Variants in DIAPH3 observed in about 807,000 individuals in gnomAD.
The protein encoded by DIAPH3 is diaphanous related formin 3.
Under a neutral mutation model 144.3 loss-of-function variants are expected in DIAPH3, and 117 were observed. The observed-to-expected ratio is 0.81, with a 90% confidence interval of 0.70 to 0.95. The LOEUF (loss-of-function observed/expected upper bound fraction) is 0.95, where lower values mean the gene tolerates loss of function less well. DIAPH3 is among the 40% of genes least tolerant of loss of function. The probability of loss-of-function intolerance (pLI) is 0.00; values close to 1 mark genes in which losing one functional copy is unlikely to be tolerated. For missense variants in DIAPH3, 1,421 were observed against 1,412.7 expected, an observed-to-expected ratio of 1.01 and a Z score of -0.09; for synonymous variants, 519 against 488.9, an observed-to-expected ratio of 1.06 and a Z score of -0.81.
intron 22 of DIAPH3, among the ~76,000 whole-genome samples, chr13:59,846,690 TG>T (rs1228042450): frequency 6.6e-6 from 1 of 151,818 alleles, no homozygotes; most frequent in Non-Finnish European, 1.5e-5. Flanking sequence ...ATCCATTACA[TG>T]ACAAAAAGAT....
chr13:60,107,399 G>C (rs141056900), intron 3 of DIAPH3, among the ~76,000 whole-genome samples: 1 of 152,134 alleles, frequency 6.6e-6, no homozygotes, highest in Non-Finnish European at 1.5e-5. Flanking sequence ...TATATCCGTG[G>C]TGGTATTTTT....
At chr13:59,991,962 T>C in intron 11 of DIAPH3, 106 bp downstream of exon 11, 1 of 897,630 alleles carries the variant, frequency 1.1e-6, no homozygotes, top group Non-Finnish European at 1.9e-6. Context: ...GAAGGTTTGA[T>C]TTCATGTTGT....
chr13:59,861,568 A>T, intron 21 of DIAPH3, 32 bp from the exon 22 acceptor site: 1 of 1,596,230 alleles, frequency 6.3e-7, no homozygotes. Context: ...AAAAACACAG[A>T]GTCATAAGTA....
At chr13:60,125,913 T>C (rs938699565) in intron 2 of DIAPH3, among the ~76,000 whole-genome samples, 8 of 151,952 alleles carry the variant, frequency 5.3e-5, no homozygotes, top group East Asian at 1.9e-4. Context: ...GAAAGAAACA[T>C]TGGAAAGGTG....
intron 22 of DIAPH3, among the ~76,000 whole-genome samples, chr13:59,853,507 C>A (rs2043095966): frequency 6.6e-6 from 1 of 152,086 alleles, no homozygotes; most frequent in Non-Finnish European, 1.5e-5. Context: ...CCTCTCCCTG[C>A]ACTCTCTTCC....
intron 25 of DIAPH3, among the ~76,000 whole-genome samples, chr13:59,779,964 T>C (rs2038652634): frequency 6.6e-6 from 1 of 152,146 alleles, no homozygotes; most frequent in South Asian, 2.1e-4. Context: ...TTCCAAATGT[T>C]AAAAATGCAT....
chr13:59,809,388 C>A (rs554813921), intron 25 of DIAPH3, among the ~76,000 whole-genome samples: 3 of 152,050 alleles, frequency 2.0e-5, no homozygotes, highest in Non-Finnish European at 4.4e-5. Context: ...GTAATCCCAG[C>A]CACTCGGGAG....
chr13:59,793,878 GC>G (rs1177825884), intron 25 of DIAPH3, among the ~76,000 whole-genome samples: 1 of 152,118 alleles, frequency 6.6e-6, no homozygotes, highest in African/African-American at 2.4e-5. Context: ...GGTCATACTA[GC>G]CCCTTCCTAC....
At chr13:59,843,641 T>C (rs2042463193) in intron 22 of DIAPH3, among the ~76,000 whole-genome samples, 1 of 152,246 alleles carries the variant, frequency 6.6e-6, no homozygotes, top group African/African-American at 2.4e-5. Context: ...ACTCTACAGA[T>C]GCAAATCTCA....
At chr13:60,111,783 G>C (rs898010931) in intron 3 of DIAPH3, among the ~76,000 whole-genome samples, 1 of 152,290 alleles carries the variant, frequency 6.6e-6, no homozygotes, top group African/African-American at 2.4e-5. Flanking sequence ...ATACTTTGGA[G>C]TATTTGTTTT....
chr13:59,983,822 T>C lies in DIAPH3; in HGVS notation c.1427A>G (p.Asp476Gly). 6.2e-7 allele frequency: 1 copy of C among 1,610,306 alleles called. No individual in the cohort carries two copies. The highest frequency in any genetic ancestry group is 1.1e-5 in the South Asian group (1 of 90,968). ...TCTTTTTCGATATGTGAAGTCTGGA[T>C]CCATTCCATCTCTATGCAATACAAT... Reference protein sequence around the residue: ...SQIVLHRDGMDPDFTYRKRLD... With the variant: ...SQIVLHRDGMGPDFTYRKRLD... Residue 476 changes from aspartate (D) to glycine (G), a missense_variant, in exon 13 of 28, where the codon GAT (aspartate) becomes GGT (glycine). Asp to Gly is a moderately conservative substitution (Grantham distance 94). Transcript: ENST00000400324.
intron 15 of DIAPH3, among the ~76,000 whole-genome samples, chr13:59,973,410 A>G (rs2050497305): frequency 6.6e-6 from 1 of 151,836 alleles, no homozygotes; most frequent in Non-Finnish European, 1.5e-5. Flanking sequence ...AGAGACAAGG[A>G]ACCATATGGG....
At chr13:59,779,809 C>T (rs185054478) in intron 25 of DIAPH3, among the ~76,000 whole-genome samples, 121 of 152,162 alleles carry the variant, frequency 8.0e-4, no homozygotes, top group Non-Finnish European at 1.4e-3. Flanking sequence ...TCACCGCGCA[C>T]GGCCGAGGGA....
intron 2 of DIAPH3, among the ~76,000 whole-genome samples, chr13:60,121,466 G>A (rs1267038709): frequency 1.3e-5 from 2 of 152,110 alleles, no homozygotes; most frequent in African/African-American, 4.8e-5. Flanking sequence ...TGAATCAGTG[G>A]GAGGGACTAG....
chr13:59,945,831 T>C (rs376707512), intron 17 of DIAPH3, among the ~76,000 whole-genome samples: 62 of 152,226 alleles, frequency 4.1e-4, no homozygotes, highest in African/African-American at 1.5e-3. Context: ...TCAAGGTTAA[T>C]TTACAAGTAT....
chr13:60,013,560 C>T (rs149502349), intron 7 of DIAPH3, among the ~76,000 whole-genome samples: 175 of 152,234 alleles, frequency 1.1e-3, no homozygotes, highest in African/African-American at 3.5e-3. Flanking sequence ...CTTTCCCCTA[C>T]GCAATTAAAA....
chr13:60,001,880 C>A (rs1372938968), intron 9 of DIAPH3, among the ~76,000 whole-genome samples: 4 of 152,148 alleles, frequency 2.6e-5, no homozygotes, highest in African/African-American at 9.7e-5. Flanking sequence ...ACTCTGCAGG[C>A]AGTTATCCCT....
intron 13 of DIAPH3, among the ~76,000 whole-genome samples, chr13:59,981,332 T>C (rs778286582): frequency 6.5e-4 from 99 of 151,442 alleles, no homozygotes; most frequent in Non-Finnish European, 1.3e-3. Context: ...TGACTGATAA[T>C]GCCAAGTGTT....
chr13:59,668,184 T>C (rs2032132067), intron 27 of DIAPH3, among the ~76,000 whole-genome samples: 1 of 152,226 alleles, frequency 6.6e-6, no homozygotes, highest in Admixed American at 6.5e-5. Context: ...TAGCTTATAA[T>C]GTACATATTG....
Sources: allele counts gnomAD v4.1 joint callset (sites outside exome capture counted in the v4.1 genomes callset), GRCh38; gene constraint gnomAD v4.1.1; transcripts MANE v1.5; gene names NCBI Gene and HGNC (gene_info 2026-07-23, HGNC 2026-07-21).